The following RFX2 variants were observed in gnomAD, a reference collection of about 807,000 sequenced individuals.
The protein encoded by RFX2 is regulatory factor X2, also known as DNA-binding protein RFX2.
RFX2 carries 20 observed loss-of-function variants against 87.8 expected under a neutral mutation model. That is an observed-to-expected ratio of 0.23 (90% CI 0.16 to 0.33). The LOEUF (loss-of-function observed/expected upper bound fraction) is 0.33, where lower values mean the gene tolerates loss of function less well. Among genes scored for constraint, RFX2 ranks in the 10% least tolerant of loss-of-function variants. The pLI, the probability that RFX2 is intolerant of heterozygous loss-of-function variation, is 1.00. For missense variants in RFX2, 767 were observed against 1,012.3 expected (o/e 0.76, Z 3.29); for synonymous variants, 397 against 431.3 (o/e 0.92, Z 0.98).
chr19:6,094,739 A>G (rs946237863), intron 1 of RFX2, among the ~76,000 whole-genome samples: 14 of 152,204 alleles, frequency 9.2e-5, no homozygotes, highest in Non-Finnish European at 1.6e-4. Context: ...ATAATTTTTC[A>G]TATAGGTTAT....
rs1279146449 is a variant in RFX2, at chr19:6,011,328, T to A, written c.900-1077A>T. 2.0e-5 allele frequency among the ~76,000 whole-genome samples: 3 copies of A among 151,880 alleles called. No individual in the cohort carries two copies. The highest frequency in any genetic ancestry group is 7.3e-5 in the African/African-American group (3 of 41,334). ...GCTGGACTCCTCAGGGCCCGGTGTG[T>A]GGTGTGGTGGGGGCAGGGAGGGAGC... On this transcript the variant is annotated intron_variant, in intron 8 of 17. Coordinates refer to ENST00000303657, the MANE Select transcript of RFX2 (RefSeq NM_000635.4). This position sits in a 1 kb window ranked among gnomAD's most constrained non-coding sequence, Gnocchi z 4.8.
intron 7 of RFX2, among the ~76,000 whole-genome samples, chr19:6,015,373 G>A (rs1221050054): frequency 6.6e-6 from 1 of 152,010 alleles, no homozygotes; most frequent in Non-Finnish European, 1.5e-5. Context: ...AGGCTGCAGT[G>A]AGCCGAGATG....
chr19:6,017,365 A>G lies in RFX2; in HGVS notation c.598-1094T>C, dbSNP rs2086741930. 6.6e-6 allele frequency among the ~76,000 whole-genome samples: 1 copy of G among 152,240 alleles called. No homozygotes were observed. Among genetic ancestry groups the G allele is most frequent in the Non-Finnish European group, 1.5e-5 (1 of 68,044 alleles). ...GAAGAGCTCAGTCCCCACACTGGGC[A>G]TGGACGCAAAGGTGGCCTGCCCACC... On this transcript the variant is annotated intron_variant, in intron 6 of 17. Coordinates refer to ENST00000303657, the MANE Select transcript of RFX2 (RefSeq NM_000635.4). The surrounding 1 kb of genome is among the most constrained non-coding windows in gnomAD (Gnocchi z 4.1).
Position 6,044,427 on chromosome 19 carries a change from G to T in RFX2, c.91-145C>A. The T allele has an allele frequency of 2.1e-6, 1 of 484,132 alleles. No individual in the cohort carries two copies. The highest frequency in any genetic ancestry group is 3.5e-6 in the Non-Finnish European group (1 of 282,482). 30.0% of individuals were successfully genotyped at this position (484,132 alleles called of 1,614,324 possible). On this transcript the variant is annotated intron_variant, in intron 2 of 17. Coordinates refer to ENST00000303657, the MANE Select transcript of RFX2 (RefSeq NM_000635.4). The surrounding 1 kb of genome is among the most constrained non-coding windows in gnomAD (Gnocchi z 5.3). ...TGATCAGAGGCGACGGCGGGGTGAT[G>T]GTCAGACTTGCACACTCACACCGAC...
chr19:5,998,128 T>G lies in RFX2; in HGVS notation c.1860-915A>C, dbSNP rs530720204. ...TTCTAGACCAGCCTGGCCAACATGGTGAAACGCCATCTCTACTAAGAATAC... is the reference window on the plus strand; with the variant it reads ...TTCTAGACCAGCCTGGCCAACATGGGGAAACGCCATCTCTACTAAGAATAC... On this transcript the variant is annotated intron_variant, in intron 15 of 17. Transcript: ENST00000303657. This position sits in a 1 kb window ranked among gnomAD's most constrained non-coding sequence, Gnocchi z 4.2. 6.6e-5 allele frequency among the ~76,000 whole-genome samples: 10 copies of G among 152,188 alleles called. No homozygotes were observed. The highest frequency in any genetic ancestry group is 1.0e-4 in the Non-Finnish European group (7 of 67,988).
intron 1 of RFX2, among the ~76,000 whole-genome samples, chr19:6,106,483 T>A (rs79114230): frequency 0.018 from 2,785 of 152,310 alleles, 93 homozygotes; most frequent in African/African-American, 0.063. Flanking sequence ...ATGGACTCAC[T>A]TGGTGACAAA....
rs1408766566 is a variant in RFX2, at chr19:6,002,266, T to C, written c.1651-243A>G. Among the ~76,000 whole-genome samples the C allele has an allele frequency of 6.6e-6, 1 of 152,234 alleles. No individual in the cohort carries two copies. The highest frequency in any genetic ancestry group is 1.9e-4 in the East Asian group (1 of 5,200). ...TCTTTCTGGATCAAAGCTCATGCTA[T>C]ATGAGGTCTTTGTTTAGCTTTGTTT... On this transcript the variant is annotated intron_variant, in intron 14 of 17. Transcript: ENST00000303657. The surrounding 1 kb of genome is among the most constrained non-coding windows in gnomAD (Gnocchi z 6.7).
intron 3 of RFX2, among the ~76,000 whole-genome samples, chr19:6,042,927 G>A (rs1209661645): frequency 6.6e-6 from 1 of 152,236 alleles, no homozygotes; most frequent in African/African-American, 2.4e-5. Flanking sequence ...AAGATGGAGG[G>A]CCACAGAAGT....
At position 6,024,686 on chromosome 19, in the gene RFX2, C is replaced by T. The variant is rs763404151; in HGVS notation, c.597+1477G>A. Among the ~76,000 whole-genome samples, 1 of 152,114 alleles carries T rather than the reference C, an allele frequency of 6.6e-6. No homozygotes were observed. The highest frequency in any genetic ancestry group is 1.5e-5 in the Non-Finnish European group (1 of 68,034). ...TTTGATAACGCCTCATTTTACACAT[C>T]GGCCAGCACAGAAGTCAGGATGGAA... On this transcript the variant is annotated intron_variant, in intron 6 of 17. Transcript: ENST00000303657. The surrounding 1 kb of genome is among the most constrained non-coding windows in gnomAD (Gnocchi z 5.0).
chr19:6,109,759 C>T (rs2088276086), intron 1 of RFX2, among the ~76,000 whole-genome samples: 1 of 151,704 alleles, frequency 6.6e-6, no homozygotes, highest in South Asian at 2.1e-4. Context: ...AAGAGGGGTC[C>T]CCGGGTGTCC....
At chr19:6,097,635 G>C (rs1329089926) in intron 1 of RFX2, among the ~76,000 whole-genome samples, 1 of 152,064 alleles carries the variant, frequency 6.6e-6, no homozygotes, top group Non-Finnish European at 1.5e-5. Context: ...CTCTCACCCA[G>C]GCTGGAGTGC....
chr19:6,004,728 C>T lies in RFX2; in HGVS notation c.1403-430G>A, dbSNP rs79043355. On this transcript the variant is annotated intron_variant, in intron 12 of 17. Coordinates refer to ENST00000303657, the MANE Select transcript of RFX2 (RefSeq NM_000635.4). The surrounding 1 kb of genome is among the most constrained non-coding windows in gnomAD (Gnocchi z 4.8). ...GCCTTGACACAAACACACACACACA[C>T]GTAAATACATTCTACCAACTTCCTA... 1.1e-4 allele frequency among the ~76,000 whole-genome samples: 17 copies of T among 151,642 alleles called. No homozygotes were observed. Among genetic ancestry groups the T allele is most frequent in the African/African-American group, 2.2e-4 (9 of 41,230 alleles).
At chr19:6,042,390 T>C (rs1399417230) in intron 3 of RFX2, among the ~76,000 whole-genome samples, 2 of 152,186 alleles carry the variant, frequency 1.3e-5, no homozygotes, top group African/African-American at 4.8e-5. Flanking sequence ...CTCCTCTGTA[T>C]ACGTGGGGGC....
At chr19:6,031,570 C>T (rs1465063885) in intron 5 of RFX2, among the ~76,000 whole-genome samples, 1 of 151,192 alleles carries the variant, frequency 6.6e-6, no homozygotes, top group African/African-American at 2.4e-5. Context: ...GCTGGGATTA[C>T]AGGTGCCCGC....
In RFX2 at chr19:6,036,650, TACA is replaced by T. The variant is rs1289037709; in HGVS notation, c.522+3327_522+3329del. The stretch of plus-strand genomic sequence containing the variant: ...ATGAAGACAAAAATATGCTGATGCT[TACA>T]TATGTAAAAAAACGTTTGACAGAAT... On this transcript the variant is annotated intron_variant, in intron 5 of 17. Transcript: ENST00000303657. Among the ~76,000 whole-genome samples the T allele has an allele frequency of 3.3e-5, 5 of 152,300 alleles. No individual in the cohort carries two copies. In the East Asian group the frequency reaches 9.6e-4, roughly 29 times the overall value.
In RFX2 at chr19:6,046,561, C is replaced by A. The variant is rs373035966; in HGVS notation, c.90+846G>T. ...GCGACAGAGCGAGACTCCGTCCCCCCCCAAAAAAAAAAAAAAATTCTAACT... is the reference window on the plus strand; with the variant it reads ...GCGACAGAGCGAGACTCCGTCCCCCACCAAAAAAAAAAAAAAATTCTAACT... On this transcript the variant is annotated intron_variant, in intron 2 of 17. Transcript: ENST00000303657. Among the ~76,000 whole-genome samples the A allele has an allele frequency of 3.5e-4, 52 of 148,288 alleles. 1 individual carries two copies. Among genetic ancestry groups the A allele is most frequent in the East Asian group, 2.5e-3 (13 of 5,148 alleles).
chr19:6,043,288 C>G (rs640913), intron 3 of RFX2, among the ~76,000 whole-genome samples: 27,441 of 152,208 alleles, frequency 0.18, 7,799 homozygotes, highest in African/African-American at 0.6. Context: ...TGAGGCCCTG[C>G]GTCCCCGCTG....
chr19:5,997,108 G>A lies in RFX2; in HGVS notation c.1965C>T (p.His655=). The change falls in exon 16 of 18, where the codon CAC becomes CAT. Residue 655 remains histidine (H), a synonymous_variant. Transcript: ENST00000303657. This position sits in a 1 kb window ranked among gnomAD's most constrained non-coding sequence, Gnocchi z 4.2. ...YDEYMFYLVE[H]RVAEATGETP... Reference sequence around the variant, plus strand: ...TCTCTCCGGTGGCCTCCGCGACGCGGTGCTCCACCAGGTAGAACATGTACT... The same window carrying A: ...TCTCTCCGGTGGCCTCCGCGACGCGATGCTCCACCAGGTAGAACATGTACT... 1 of 1,613,532 alleles carries A rather than the reference G, an allele frequency of 6.2e-7. No homozygotes were observed. The highest frequency in any genetic ancestry group is 1.6e-4 in the Middle Eastern group (1 of 6,062).
At position 6,007,141 on chromosome 19, in the gene RFX2, G is replaced by A; in HGVS notation, c.1273C>T (p.Leu425=). The A allele has an allele frequency of 6.2e-7, 1 of 1,614,074 alleles. No homozygotes were observed. The highest frequency in any genetic ancestry group is 1.1e-5 in the South Asian group (1 of 91,088). Residue 425 remains leucine, a synonymous_variant, in exon 12 of 18, where the codon CTG becomes TTG. Coordinates refer to ENST00000303657, the MANE Select transcript of RFX2 (RefSeq NM_000635.4). This position sits in a 1 kb window ranked among gnomAD's most constrained non-coding sequence, Gnocchi z 8.2. The part of the protein sequence containing the change: ...ASDEDPEGAV[L]PKDKLISLCQ... ...AGGGAGATAAGCTTGTCCTTGGGCAGGACGGCGCCCTCGGGGTCTTCGTCA... is the reference window on the plus strand; with the variant it reads ...AGGGAGATAAGCTTGTCCTTGGGCAAGACGGCGCCCTCGGGGTCTTCGTCA...
Sources: allele counts gnomAD v4.1 joint callset (sites outside exome capture counted in the v4.1 genomes callset), GRCh38; gene constraint gnomAD v4.1.1; non-coding constraint Gnocchi (gnomAD v3.1); transcripts MANE v1.5; gene names NCBI Gene and HGNC (gene_info 2026-07-23, HGNC 2026-07-21).